SLC39A11: variants seen among roughly 807,000 people sequenced by gnomAD.
SLC39A11 encodes the protein zinc transporter ZIP11.
In SLC39A11, 33 loss-of-function variants were observed where a neutral mutation model predicts 36.1. That is an observed-to-expected ratio of 0.91 (90% CI 0.69 to 1.22). SLC39A11 has a LOEUF of 1.22. Among genes scored for constraint, SLC39A11 ranks in the 50% most tolerant of loss-of-function variants. The pLI, the probability that SLC39A11 is intolerant of heterozygous loss-of-function variation, is 0.00. For missense variants in SLC39A11, 432 were observed against 430.3 expected, an observed-to-expected ratio of 1.00 and a Z score of -0.03; for synonymous variants, 166 against 170.3, an observed-to-expected ratio of 0.97 and a Z score of 0.20.
chr17:72,771,344 A>G (rs1174236787), intron 6 of SLC39A11, among the ~76,000 whole-genome samples: 1 of 132,838 alleles, frequency 7.5e-6, no homozygotes, highest in Admixed American at 8.3e-5. Context: ...CAACAGAGCG[A>G]GACCCTATCT....
intron 6 of SLC39A11, among the ~76,000 whole-genome samples, chr17:72,784,272 G>C (rs980221592): frequency 6.6e-6 from 1 of 152,140 alleles, no homozygotes; most frequent in African/African-American, 2.4e-5. Flanking sequence ...TTGAACCCGG[G>C]AGGCATAGGT....
At chr17:72,921,359 G>C (rs1177534632) in intron 5 of SLC39A11, among the ~76,000 whole-genome samples, 3 of 152,186 alleles carry the variant, frequency 2.0e-5, no homozygotes, top group African/African-American at 7.2e-5. Context: ...CAAGGAAAGT[G>C]AATGGGACTA....
At chr17:72,781,561 T>C (rs538575517) in intron 6 of SLC39A11, among the ~76,000 whole-genome samples, 1 of 152,202 alleles carries the variant, frequency 6.6e-6, no homozygotes, top group South Asian at 2.1e-4. Flanking sequence ...GTGGCTGGGA[T>C]TACAGGCACC....
intron 4 of SLC39A11, among the ~76,000 whole-genome samples, chr17:72,990,027 T>A (rs558400924): frequency 1.3e-5 from 2 of 152,388 alleles, no homozygotes; most frequent in South Asian, 4.1e-4. Flanking sequence ...TTGCAGATGA[T>A]GCTGTAAGTG....
chr17:73,068,359 C>T (rs758402495), intron 3 of SLC39A11: 14 of 518,498 alleles, frequency 2.7e-5, no homozygotes, highest in African/African-American at 2.1e-4. Context: ...TATTCTCAGT[C>T]AAATCTAATC....
At chr17:72,962,194 G>A (rs1375691079) in intron 4 of SLC39A11, among the ~76,000 whole-genome samples, 2 of 152,146 alleles carry the variant, frequency 1.3e-5, no homozygotes, top group African/African-American at 4.8e-5. Flanking sequence ...ACCAAATTGA[G>A]ACATACACCA....
At chr17:72,750,801 T>C (rs2075127184) in intron 6 of SLC39A11, among the ~76,000 whole-genome samples, 2 of 151,014 alleles carry the variant, frequency 1.3e-5, no homozygotes, top group Non-Finnish European at 1.5e-5. Flanking sequence ...AAAAAAAAAC[T>C]GCCTTCCTTA....
At chr17:72,881,975 G>A (rs1201282906) in intron 5 of SLC39A11, among the ~76,000 whole-genome samples, 2 of 152,200 alleles carry the variant, frequency 1.3e-5, no homozygotes, top group Non-Finnish European at 2.9e-5. Flanking sequence ...TCTGCTAGAG[G>A]TGGTTGTTAC....
intron 3 of SLC39A11, among the ~76,000 whole-genome samples, chr17:73,056,153 T>C (rs1448852951): frequency 6.6e-6 from 1 of 151,390 alleles, no homozygotes; most frequent in Admixed American, 6.6e-5. Flanking sequence ...CCTCTCAGAT[T>C]GGACTCTGGT....
At chr17:72,868,721 A>G in intron 5 of SLC39A11, among the ~76,000 whole-genome samples, 1 of 150,508 alleles carries the variant, frequency 6.6e-6, no homozygotes, top group East Asian at 2.0e-4. Flanking sequence ...AGGTGGGAGG[A>G]TAGTTTGAGC....
At chr17:72,926,572 A>C (rs1010421893) in intron 5 of SLC39A11, among the ~76,000 whole-genome samples, 1 of 152,164 alleles carries the variant, frequency 6.6e-6, no homozygotes, top group Admixed American at 6.5e-5. Context: ...GAAAAACATA[A>C]GATTGCCTTT....
chr17:72,735,684 T>C (rs2074397102), intron 7 of SLC39A11, among the ~76,000 whole-genome samples: 1 of 152,172 alleles, frequency 6.6e-6, no homozygotes, highest in South Asian at 2.1e-4. Flanking sequence ...ATTTTGATGA[T>C]CTTTTAGTCC....
rs34706790 is a variant in SLC39A11, at chr17:72,865,411, GA to G, written c.431-15608del. On this transcript the variant is annotated intron_variant, in intron 5 of 9. Coordinates refer to ENST00000255559, the MANE Select transcript of SLC39A11 (RefSeq NM_139177.4). ...TGGTCTCTGAAGAAAAAAACTGCTCGAAAAAAAAAAAAAAAACAACTTTGGG... is the reference window on the plus strand; with the variant it reads ...TGGTCTCTGAAGAAAAAAACTGCTCGAAAAAAAAAAAAAAACAACTTTGGG... 4.6e-3 allele frequency among the ~76,000 whole-genome samples: 519 copies of G among 113,180 alleles called. 2 individuals are homozygous for G. The highest frequency in any genetic ancestry group is 8.6e-3 in the Middle Eastern group (2 of 232). 74.3% of individuals were successfully genotyped at this position (113,180 alleles called of 152,430 possible). A position where few individuals can be genotyped will look rare whatever the true frequency, so the allele number is the denominator to read the frequency against.
chr17:72,703,475 G>A (rs2072742857), intron 7 of SLC39A11, among the ~76,000 whole-genome samples: 1 of 152,176 alleles, frequency 6.6e-6, no homozygotes, highest in Admixed American at 6.5e-5. Context: ...CTGGGGTAAA[G>A]GTAACATGGG....
chr17:73,052,174 C>A (rs2059526558), intron 3 of SLC39A11, among the ~76,000 whole-genome samples: 1 of 103,846 alleles, frequency 9.6e-6, no homozygotes. Flanking sequence ...CCAAATCAAC[C>A]CCAGAAAAAA....
At position 72,738,161 on chromosome 17, in the gene SLC39A11, C is replaced by T. The variant is rs576359579; in HGVS notation, c.602-1442G>A. Reference sequence around the variant, plus strand: ...CTGGGACTACAGGCGCCCGCTACCACGCCCGTCTAATTTTTTGTATTTTTA... The same window carrying T: ...CTGGGACTACAGGCGCCCGCTACCATGCCCGTCTAATTTTTTGTATTTTTA... On this transcript the variant is annotated intron_variant, in intron 6 of 9. Transcript: ENST00000255559. Among the ~76,000 whole-genome samples, 14 of 152,190 alleles carry T rather than the reference C, an allele frequency of 9.2e-5. No homozygotes were observed. The South Asian group carries it at 1.7e-3, about 18-fold the overall frequency.
intron 3 of SLC39A11, among the ~76,000 whole-genome samples, chr17:73,038,701 T>C (rs930721089): frequency 2.8e-5 from 4 of 144,654 alleles, no homozygotes; most frequent in African/African-American, 5.2e-5. Flanking sequence ...AGCAATACTC[T>C]GTTGAAAAAG....
At chr17:72,681,623 C>T (rs765286230) in intron 7 of SLC39A11, among the ~76,000 whole-genome samples, 2 of 152,168 alleles carry the variant, frequency 1.3e-5, no homozygotes, top group Non-Finnish European at 2.9e-5. Context: ...TCTGAAACAA[C>T]GAGGGGTTGA....
intron 4 of SLC39A11, among the ~76,000 whole-genome samples, chr17:73,017,494 C>G (rs1196341313): frequency 6.6e-6 from 1 of 152,116 alleles, no homozygotes; most frequent in Non-Finnish European, 1.5e-5. Context: ...AGGTGGATCA[C>G]CTGAGGTTAG....
Sources: gnomAD v4.1 joint callset for allele counts (sites outside exome capture counted in the v4.1 genomes callset) on GRCh38, gnomAD v4.1.1 for gene constraint, MANE v1.5 for transcripts, NCBI Gene and HGNC (gene_info 2026-07-23, HGNC 2026-07-21) for gene names.